The following MTR variants were observed in gnomAD, a reference collection of about 807,000 sequenced individuals.
MTR encodes the protein 5-methyltetrahydrofolate-homocysteine methyltransferase, also known as methionine synthase.
In MTR, 84 loss-of-function variants were observed where a neutral mutation model predicts 154.8. That is an observed-to-expected ratio of 0.54 (90% CI 0.45 to 0.65). MTR has a LOEUF of 0.65. Among genes scored for constraint, MTR ranks in the 30% least tolerant of loss-of-function variants. MTR has a pLI of 0.00. For missense variants in MTR, 1,275 were observed against 1,570.2 expected (o/e 0.81, Z 3.18); for synonymous variants, 554 against 553.9 (o/e 1.00, Z 0.00).
chr1:236,854,568 A>T (rs772563719), intron 18 of MTR, among the ~76,000 whole-genome samples: 1 of 152,102 alleles, frequency 6.6e-6, no homozygotes, highest in Non-Finnish European at 1.5e-5. Context: ...ATAACTGTCA[A>T]AGAGTTCTGT....
chr1:236,822,660 C>T (rs1372107082), intron 8 of MTR, among the ~76,000 whole-genome samples: 2 of 152,006 alleles, frequency 1.3e-5, no homozygotes, highest in African/African-American at 4.8e-5. Flanking sequence ...TATAAGTAAA[C>T]AATTGAGTTT....
chr1:236,804,691 C>T (rs1047870828), intron 2 of MTR, among the ~76,000 whole-genome samples: 3 of 152,086 alleles, frequency 2.0e-5, no homozygotes, highest in Admixed American at 6.6e-5. Flanking sequence ...AAACAAATCT[C>T]GTAGATAATA....
intron 23 of MTR, 96 bp from the exon 24 acceptor site, chr1:236,874,630 A>T: frequency 9.3e-7 from 1 of 1,078,092 alleles, no homozygotes; most frequent in Non-Finnish European, 1.3e-6. Context: ...GGTCTTCATT[A>T]CAAAGTTTTT....
Position 236,902,685 on chromosome 1 carries a change from G to T in MTR, c.*5041G>T, listed in dbSNP as rs1354113468. The T allele has an allele frequency of 2.0e-5, 3 of 152,136 alleles. No homozygotes were observed. Among genetic ancestry groups the T allele is most frequent in the Non-Finnish European group, 4.4e-5 (3 of 68,092 alleles). 9.4% of individuals were successfully genotyped at this position (152,136 alleles called of 1,614,324 possible). A position where few individuals can be genotyped will look rare whatever the true frequency, so the allele number is the denominator to read the frequency against. ...CCTTGTTAAATGAGTTCGGGGCGGG[G>T]GGAGCATGATGGTTTTCTCTCTCTC... On this transcript the variant is annotated 3_prime_UTR_variant, in exon 33 of 33. Coordinates refer to ENST00000366577, the MANE Select transcript of MTR (RefSeq NM_000254.3).
At chr1:236,868,839 TA>T (rs1287266789) in intron 22 of MTR, among the ~76,000 whole-genome samples, 1 of 152,250 alleles carries the variant, frequency 6.6e-6, no homozygotes, top group Non-Finnish European at 1.5e-5. Context: ...AACATGATTG[TA>T]CCTAAGTCAA....
intron 32 of MTR, among the ~76,000 whole-genome samples, 192 bp downstream of exon 32, chr1:236,897,310 G>GCGCGCGCGCGCGCACACACACACACA: frequency 3.0e-4 from 39 of 128,672 alleles, no homozygotes; most frequent in South Asian, 8.2e-4. Context: ...CCACACACAC[G>GCGCGCGCGCGCGCACACACACACACA]CACACACACA....
At chr1:236,887,962 G>A (rs1666112388) in intron 27 of MTR, among the ~76,000 whole-genome samples, 2 of 152,212 alleles carry the variant, frequency 1.3e-5, no homozygotes, top group Admixed American at 1.3e-4. Flanking sequence ...CTCTACTAAG[G>A]GGACTATAAA....
rs189155483 is a variant in MTR at position 236,862,491 on chromosome 1, C to T, written c.2304+148C>T. On this transcript the variant is annotated intron_variant, in intron 21 of 32. Transcript: ENST00000366577. ...GATCCCACATCTCTCCCTTTTTTAA[C>T]CGAGTATCAGAATACTCTGGGACTT... 1,237 of 687,766 alleles carry T rather than the reference C, an allele frequency of 1.8e-3. 14 individuals carry two copies. The African/African-American group carries it at 0.02, about 11-fold the overall frequency. 42.6% of individuals were successfully genotyped at this position (687,766 alleles called of 1,614,324 possible). A position where few individuals can be genotyped will look rare whatever the true frequency, so the allele number is the denominator to read the frequency against.
chr1:236,822,005 G>A (rs2103084865), intron 8 of MTR, among the ~76,000 whole-genome samples: 1 of 152,144 alleles, frequency 6.6e-6, no homozygotes, highest in Admixed American at 6.5e-5. Flanking sequence ...TTCAACTTTT[G>A]TTTTTTCTCT....
intron 18 of MTR, among the ~76,000 whole-genome samples, chr1:236,857,613 G>A (rs1332497929): frequency 6.6e-6 from 1 of 152,206 alleles, no homozygotes; most frequent in African/African-American, 2.4e-5. Context: ...TTACTAAAAT[G>A]TCGCTTTGTG....
At chr1:236,896,901 G>A (rs765039960) in intron 31 of MTR, 105 bp from the exon 32 acceptor site, 219 of 843,000 alleles carry the variant, frequency 2.6e-4, no homozygotes, top group Admixed American at 3.9e-4. Context: ...GCATGAGCTC[G>A]CTTTGGTTCA....
chr1:236,824,537 CTT>C (rs1034947339), intron 9 of MTR, among the ~76,000 whole-genome samples: 2 of 152,218 alleles, frequency 1.3e-5, no homozygotes, highest in African/African-American at 4.8e-5. Flanking sequence ...AGAGAGACCC[CTT>C]TCTCTGGTCC....
chr1:236,810,819 G>A (rs574733133), intron 5 of MTR, among the ~76,000 whole-genome samples: 10 of 152,256 alleles, frequency 6.6e-5, no homozygotes, highest in African/African-American at 2.2e-4. Flanking sequence ...AATATATATG[G>A]TGGTGTGTTA....
chr1:236,899,511 T>C lies in MTR; in HGVS notation c.*1867T>C, dbSNP rs1156410306. 3.3e-5 allele frequency: 5 copies of C among 152,210 alleles called. No individual in the cohort carries two copies. Among genetic ancestry groups the C allele is most frequent in the Admixed American group, 6.5e-5 (1 of 15,280 alleles). The allele number at this position is 152,210 out of a possible 1,614,324, so 9.4% of individuals were successfully genotyped here. A position where few individuals can be genotyped will look rare whatever the true frequency, so the allele number is the denominator to read the frequency against. On this transcript the variant is annotated 3_prime_UTR_variant, in exon 33 of 33. Coordinates refer to ENST00000366577, the MANE Select transcript of MTR (RefSeq NM_000254.3). ...TACTTTCTCTCACCTTACCTGGTGATAAGTTCCAAATATGTTAAGGGCTTT... is the reference window on the plus strand; with the variant it reads ...TACTTTCTCTCACCTTACCTGGTGACAAGTTCCAAATATGTTAAGGGCTTT...
At chr1:236,839,102 T>C (rs1052721832) in intron 15 of MTR, among the ~76,000 whole-genome samples, 1 of 152,248 alleles carries the variant, frequency 6.6e-6, no homozygotes, top group African/African-American at 2.4e-5. Context: ...CCTTATGTGG[T>C]CAATGACTGT....
Position 236,900,810 on chromosome 1 carries a change from C to A in MTR, c.*3166C>A. On this transcript the variant is annotated 3_prime_UTR_variant, in exon 33 of 33. Coordinates refer to ENST00000366577, the MANE Select transcript of MTR (RefSeq NM_000254.3). ...TGCATCCTTGCTGCTGCCAGCAGTG[C>A]CCAGATACCAGGCTTTGGGGAATGA... The A allele has an allele frequency of 6.6e-6, 1 of 152,620 alleles. No individual in the cohort carries two copies. The highest frequency in any genetic ancestry group is 1.5e-5 in the Non-Finnish European group (1 of 68,078). 9.5% of individuals were successfully genotyped at this position (152,620 alleles called of 1,614,324 possible).
intron 1 of MTR, among the ~76,000 whole-genome samples, chr1:236,799,749 T>G (rs1440693262): frequency 3.9e-5 from 6 of 152,054 alleles, no homozygotes; most frequent in Non-Finnish European, 7.4e-5. Flanking sequence ...GTGACTTTCG[T>G]TTAACAGAAA....
In MTR at chr1:236,863,316, T is replaced by C; in HGVS notation, c.2305-138T>C. The C allele has an allele frequency of 1.6e-5, 12 of 758,898 alleles. No homozygotes were observed. The South Asian group carries it at 1.6e-4, about 10-fold the overall frequency. 47.0% of individuals were successfully genotyped at this position (758,898 alleles called of 1,614,324 possible). A position where few individuals can be genotyped will look rare whatever the true frequency, so the allele number is the denominator to read the frequency against. On this transcript the variant is annotated intron_variant, in intron 21 of 32. Transcript: ENST00000366577. Reference sequence around the variant, plus strand: ...GGGCCTCCTTTGAACTGTTTGGGCTTCGGTTTCCAGGTCTGTCTTTGAGGT... The same window carrying C: ...GGGCCTCCTTTGAACTGTTTGGGCTCCGGTTTCCAGGTCTGTCTTTGAGGT...
intron 15 of MTR, among the ~76,000 whole-genome samples, chr1:236,842,067 A>G (rs1165350828): frequency 1.3e-5 from 2 of 151,788 alleles, no homozygotes; most frequent in Admixed American, 6.6e-5. Flanking sequence ...AATTTTTTGT[A>G]TTTTTAGTAG....
Sources: allele counts gnomAD v4.1 joint callset (sites outside exome capture counted in the v4.1 genomes callset), GRCh38; gene constraint gnomAD v4.1.1; transcripts MANE v1.5; gene names NCBI Gene and HGNC (gene_info 2026-07-23, HGNC 2026-07-21).